Variants in SLC1A2 observed in about 807,000 individuals in gnomAD.
SLC1A2 encodes solute carrier family 1 member 2.
SLC1A2 carries 15 observed loss-of-function variants against 48.8 expected under a neutral mutation model. The observed-to-expected ratio is 0.31, with a 90% confidence interval of 0.21 to 0.47. SLC1A2 has a LOEUF of 0.47. Among genes scored for constraint, SLC1A2 ranks in the 20% least tolerant of loss-of-function variants. The pLI is 0.99. For synonymous variants in SLC1A2, 279 were observed against 272.6 expected (o/e 1.02, Z -0.23); for missense variants, 502 against 730.5 (o/e 0.69, Z 3.61).
chr11:35,337,320 T>C (rs569413026), intron 1 of SLC1A2, among the ~76,000 whole-genome samples: 1 of 152,126 alleles, frequency 6.6e-6, no homozygotes, highest in Non-Finnish European at 1.5e-5. Flanking sequence ...ATAGAAATAG[T>C]GACAAAGAGG....
chr11:35,339,062 T>C (rs1214803734), intron 1 of SLC1A2, among the ~76,000 whole-genome samples: 2 of 152,162 alleles, frequency 1.3e-5, no homozygotes, highest in Non-Finnish European at 2.9e-5. Flanking sequence ...CTTATGACTG[T>C]CCCATGGCAA....
chr11:35,366,004 C>T (rs910923912), intron 1 of SLC1A2, among the ~76,000 whole-genome samples: 5 of 152,152 alleles, frequency 3.3e-5, no homozygotes, highest in African/African-American at 9.7e-5. Context: ...AAACAGTCCT[C>T]CACGGCAAAG....
intron 1 of SLC1A2, among the ~76,000 whole-genome samples, chr11:35,372,746 C>A (rs141771662): frequency 2.6e-3 from 393 of 152,278 alleles, no homozygotes; most frequent in Non-Finnish European, 4.6e-3. Context: ...TAAGAATCTA[C>A]AACCAATGAT....
chr11:35,372,900 A>T (rs1854103541), intron 1 of SLC1A2, among the ~76,000 whole-genome samples: 1 of 152,198 alleles, frequency 6.6e-6, no homozygotes, highest in African/African-American at 2.4e-5. Flanking sequence ...GGTATTTTTA[A>T]GGATCTTCAT....
chr11:35,412,416 G>A (rs1003480487), intron 1 of SLC1A2, among the ~76,000 whole-genome samples: 1 of 152,210 alleles, frequency 6.6e-6, no homozygotes, highest in Non-Finnish European at 1.5e-5. Context: ...AAAAGAGAAT[G>A]AAATGCCATG....
chr11:35,315,868 T>A (rs1260700878), intron 2 of SLC1A2: 1 of 152,048 alleles, frequency 6.6e-6, no homozygotes, highest in African/African-American at 2.4e-5. Context: ...AGGACAGATA[T>A]TGCCTCCTTG....
intron 1 of SLC1A2, among the ~76,000 whole-genome samples, chr11:35,340,452 A>C (rs1317153958): frequency 1.3e-5 from 2 of 152,232 alleles, no homozygotes; most frequent in Non-Finnish European, 1.5e-5. Flanking sequence ...TCAAAAGAAT[A>C]GGACATGAAA....
chr11:35,315,433 C>A (rs185687699), intron 2 of SLC1A2: 2 of 322,472 alleles, frequency 6.2e-6, no homozygotes, highest in South Asian at 8.9e-5. Context: ...AAAGTGCACA[C>A]TGGCAACTTG....
At chr11:35,352,660 C>A (rs1466194479) in intron 1 of SLC1A2, among the ~76,000 whole-genome samples, 1 of 152,212 alleles carries the variant, frequency 6.6e-6, no homozygotes, top group South Asian at 2.1e-4. Context: ...GAATTGCAAG[C>A]TGTCTCAGGG....
rs941800036 is a variant in SLC1A2, at chr11:35,288,835, G to C, written c.1092-1884C>G. On this transcript the variant is annotated intron_variant, in intron 7 of 10. Transcript: ENST00000278379. ...TTATTTTTCCAAAATGTCATCAAATGGTCTTTGGACAATTAAGTCGACTGG... is the reference window on the plus strand; with the variant it reads ...TTATTTTTCCAAAATGTCATCAAATCGTCTTTGGACAATTAAGTCGACTGG... Among the ~76,000 whole-genome samples, 3 of 145,272 alleles carry C rather than the reference G, an allele frequency of 2.1e-5. No homozygotes were observed. The East Asian group carries it at 6.1e-4, about 30-fold the overall frequency.
intron 9 of SLC1A2, among the ~76,000 whole-genome samples, chr11:35,266,308 C>T (rs956227275): frequency 6.6e-6 from 1 of 152,192 alleles, no homozygotes; most frequent in Non-Finnish European, 1.5e-5. Flanking sequence ...TCTCCCTGCA[C>T]CTGCTTCCCT....
chr11:35,281,644 C>A (rs1163012724), intron 8 of SLC1A2, among the ~76,000 whole-genome samples: 1 of 152,090 alleles, frequency 6.6e-6, no homozygotes, highest in African/African-American at 2.4e-5. Flanking sequence ...GGAAGGCTTT[C>A]TTTCTGAAGC....
Position 35,254,914 on chromosome 11 carries a change from A to C in SLC1A2, c.*5980T>G. On this transcript the variant is annotated 3_prime_UTR_variant, in exon 11 of 11. Coordinates refer to ENST00000278379, the MANE Select transcript of SLC1A2 (RefSeq NM_004171.4). ...CATAGAAAAAAACTGATCAGTAGTT[A>C]TTCAGGATATTATTTAGGATAAATG... 2.5e-6 allele frequency: 1 copy of C among 400,600 alleles called. No individual in the cohort carries two copies. Among genetic ancestry groups the C allele is most frequent in the Non-Finnish European group, 4.9e-6 (1 of 204,726 alleles). 24.8% of individuals were successfully genotyped at this position (400,600 alleles called of 1,614,324 possible). A position where few individuals can be genotyped will look rare whatever the true frequency, so the allele number is the denominator to read the frequency against.
chr11:35,359,507 G>A (rs1472317448), intron 1 of SLC1A2, among the ~76,000 whole-genome samples: 1 of 152,150 alleles, frequency 6.6e-6, no homozygotes, highest in Admixed American at 6.5e-5. Context: ...TTTGGCTCAG[G>A]AGCCCAAGGT....
chr11:35,385,665 C>T (rs1854565368), intron 1 of SLC1A2, among the ~76,000 whole-genome samples: 1 of 152,176 alleles, frequency 6.6e-6, no homozygotes, highest in Non-Finnish European at 1.5e-5. Context: ...ATATCAAAGA[C>T]AGGGAGCTTG....
intron 1 of SLC1A2, among the ~76,000 whole-genome samples, chr11:35,340,942 A>G (rs10768129): frequency 0.8 from 121,595 of 152,110 alleles, 49,175 homozygotes; most frequent in East Asian, 0.92. Context: ...CATAATCCTG[A>G]GAAATTGACA....
chr11:35,418,635 A>G, intron 1 of SLC1A2: 1 of 388,488 alleles, frequency 2.6e-6, no homozygotes, highest in South Asian at 3.4e-5. Context: ...ACTATGCCCA[A>G]TCCCCTATTG....
Position 35,358,412 on chromosome 11 carries a change from A to G in SLC1A2, c.18-40896T>C, listed in dbSNP as rs1853559458. Among the ~76,000 whole-genome samples, 3 of 152,332 alleles carry G rather than the reference A, an allele frequency of 2.0e-5. 1 individual carries two copies. The South Asian group carries it at 6.2e-4, about 32-fold the overall frequency. ...TGAAACTATAAACAAATGAACTTCA[A>G]GGAATTCATTTTAAACAGGAGAAAT... On this transcript the variant is annotated intron_variant, in intron 1 of 10. Transcript: ENST00000278379.
At chr11:35,270,788 A>T (rs1488980142) in intron 9 of SLC1A2, among the ~76,000 whole-genome samples, 1 of 152,240 alleles carries the variant, frequency 6.6e-6, no homozygotes, top group East Asian at 1.9e-4. Flanking sequence ...ATATGCATGA[A>T]ATCTAAGAGG....
Sources: gnomAD v4.1 joint callset for allele counts (sites outside exome capture counted in the v4.1 genomes callset) on GRCh38, gnomAD v4.1.1 for gene constraint, MANE v1.5 for transcripts, NCBI Gene and HGNC (gene_info 2026-07-23, HGNC 2026-07-21) for gene names.